Variants in TMEM178B observed in about 807,000 individuals in gnomAD.
TMEM178B encodes transmembrane protein 178B.
TMEM178B carries 5 observed loss-of-function variants against 31.0 expected under a neutral mutation model. The observed-to-expected ratio is 0.16, with a 90% CI of 0.08 to 0.34. TMEM178B has a LOEUF of 0.34. TMEM178B is among the 10% of genes least tolerant of loss of function. The probability of loss-of-function intolerance (pLI) is 1.00; values close to 1 mark genes in which losing one functional copy is unlikely to be tolerated. For synonymous variants in TMEM178B, 164 were observed against 164.0 expected (o/e 1.00, Z 0.00); for missense variants, 275 against 400.3 (o/e 0.69, Z 2.67).
rs1356113595 is a variant in TMEM178B, at chr7:141,472,989, CAT to C, written c.*2204_*2205del. 4 of 152,172 alleles carry C rather than the reference CAT, an allele frequency of 2.6e-5. No homozygotes were observed. The highest frequency in any genetic ancestry group is 4.4e-5 in the Non-Finnish European group (3 of 68,068). The allele number at this position is 152,172 out of a possible 1,614,324, so 9.4% of individuals were successfully genotyped here. On this transcript the variant is annotated 3_prime_UTR_variant, in exon 4 of 4. Coordinates refer to ENST00000565468, the MANE Select transcript of TMEM178B (RefSeq NM_001195278.2). ...TCTGGTCAGCTTCTGCAAAAGGTCT[CAT>C]GTGTGAGTTCCCTGTGTGTGGGTGT...
intron 1 of TMEM178B, among the ~76,000 whole-genome samples, chr7:141,120,220 C>T (rs1393750004): frequency 6.6e-6 from 1 of 152,162 alleles, no homozygotes; most frequent in East Asian, 1.9e-4. Flanking sequence ...GCAAGTTCAA[C>T]CTTCCTTTCT....
At chr7:141,393,009 T>C (rs1429391722) in intron 2 of TMEM178B, among the ~76,000 whole-genome samples, 2 of 152,148 alleles carry the variant, frequency 1.3e-5, no homozygotes, top group Non-Finnish European at 2.9e-5. Flanking sequence ...GCCTTGTTAC[T>C]TAAAGTAAAT....
At chr7:141,096,064 G>T (rs998267802) in intron 1 of TMEM178B, among the ~76,000 whole-genome samples, 8 of 152,210 alleles carry the variant, frequency 5.3e-5, no homozygotes, top group Non-Finnish European at 1.2e-4. Flanking sequence ...ATCCAGAGGG[G>T]ACTATACAAC....
chr7:141,483,028 A>G (rs1802503707), downstream of TMEM178B, among the ~76,000 whole-genome samples: 1 of 152,154 alleles, frequency 6.6e-6, no homozygotes, highest in South Asian at 2.1e-4. Context: ...CCCATGGCCA[A>G]GGTCTCCACC....
At chr7:141,234,454 C>T (rs1168593347) in intron 2 of TMEM178B, among the ~76,000 whole-genome samples, 1 of 152,084 alleles carries the variant, frequency 6.6e-6, no homozygotes, top group Non-Finnish European at 1.5e-5. Context: ...GTCTGAGCAG[C>T]AGAGAGGAGT....
the TMEM178B span, among the ~76,000 whole-genome samples, chr7:141,499,903 T>A: frequency 6.6e-6 from 1 of 152,338 alleles, no homozygotes; most frequent in African/African-American, 2.4e-5. Context: ...ATCACAAACG[T>A]AATGTGATGT....
chr7:141,085,454 C>G (rs902599185), intron 1 of TMEM178B, among the ~76,000 whole-genome samples: 1 of 151,998 alleles, frequency 6.6e-6, no homozygotes, highest in African/African-American at 2.4e-5. Context: ...ACTGCAGTAT[C>G]TGAATTATTT....
downstream of TMEM178B, among the ~76,000 whole-genome samples, chr7:141,484,844 G>A (rs1802530637): frequency 6.6e-6 from 1 of 152,030 alleles, no homozygotes; most frequent in Admixed American, 6.5e-5. This position sits in a 1 kb window ranked among gnomAD's most constrained non-coding sequence, Gnocchi z 4.8. Flanking sequence ...TTACAGACGT[G>A]AGCCGGGCTC....
intron 1 of TMEM178B, among the ~76,000 whole-genome samples, chr7:141,177,291 G>T (rs1390642580): frequency 6.6e-6 from 1 of 152,198 alleles, no homozygotes; most frequent in Non-Finnish European, 1.5e-5. Flanking sequence ...TAATTTGATT[G>T]CACTGTGGTC....
At chr7:141,218,792 A>G (rs6961198) in intron 2 of TMEM178B, among the ~76,000 whole-genome samples, 120,976 of 151,848 alleles carry the variant, frequency 0.8, 48,439 homozygotes, top group Middle Eastern at 0.88. Flanking sequence ...CCCCACTGGC[A>G]TCAACCTTCT....
chr7:141,168,810 A>G (rs1458239394), intron 1 of TMEM178B, among the ~76,000 whole-genome samples: 1 of 151,848 alleles, frequency 6.6e-6, no homozygotes, highest in East Asian at 1.9e-4. Context: ...CCTCCTGGAT[A>G]TTTTCTTTTT....
intron 2 of TMEM178B, among the ~76,000 whole-genome samples, chr7:141,278,713 A>G (rs1053961945): frequency 2.0e-5 from 3 of 152,234 alleles, no homozygotes; most frequent in Non-Finnish European, 4.4e-5. Flanking sequence ...TTCAGCAAAC[A>G]CTGCTTGAAT....
chr7:141,296,278 G>A (rs972370487), intron 2 of TMEM178B, among the ~76,000 whole-genome samples: 2 of 152,136 alleles, frequency 1.3e-5, no homozygotes, highest in African/African-American at 4.8e-5. Flanking sequence ...ATGTTGGCCA[G>A]GCTGGTCTCA....
chr7:141,265,297 G>C (rs1424489756), intron 2 of TMEM178B, among the ~76,000 whole-genome samples: 1 of 152,146 alleles, frequency 6.6e-6, no homozygotes, highest in African/African-American at 2.4e-5. Context: ...GGCTTTGAAT[G>C]GGGCCATGAT....
chr7:141,384,926 A>C (rs1005875248), intron 2 of TMEM178B, among the ~76,000 whole-genome samples: 2 of 152,160 alleles, frequency 1.3e-5, no homozygotes, highest in Non-Finnish European at 2.9e-5. Context: ...GTGGAAATCC[A>C]TAATGCATAA....
At chr7:141,225,209 C>T (rs894472247) in intron 2 of TMEM178B, among the ~76,000 whole-genome samples, 4 of 152,170 alleles carry the variant, frequency 2.6e-5, no homozygotes, top group Non-Finnish European at 5.9e-5. Flanking sequence ...CAGGGAGCCC[C>T]ACACATATCT....
intron 2 of TMEM178B, among the ~76,000 whole-genome samples, chr7:141,322,094 A>G (rs1799109849): frequency 6.6e-6 from 1 of 152,196 alleles, no homozygotes; most frequent in East Asian, 1.9e-4. Flanking sequence ...AGCCTGTCTC[A>G]TTCATCATAC....
chr7:141,103,009 C>T (rs1185895286), intron 1 of TMEM178B, among the ~76,000 whole-genome samples: 1 of 152,222 alleles, frequency 6.6e-6, no homozygotes, highest in Non-Finnish European at 1.5e-5. Context: ...GCCACACTCA[C>T]TGACATCCCA....
the TMEM178B span, among the ~76,000 whole-genome samples, chr7:141,490,592 C>A: frequency 2.0e-5 from 3 of 152,232 alleles, no homozygotes; most frequent in Admixed American, 6.5e-5. Context: ...TTTAAGCCAA[C>A]TGCTTTGTGG....
Sources: allele counts gnomAD v4.1 joint callset (sites outside exome capture counted in the v4.1 genomes callset), GRCh38; gene constraint gnomAD v4.1.1; non-coding constraint Gnocchi (gnomAD v3.1); transcripts MANE v1.5; gene names NCBI Gene and HGNC (gene_info 2026-07-23, HGNC 2026-07-21).